The following KIAA1217 variants were observed in gnomAD, a reference collection of about 807,000 sequenced individuals.
KIAA1217 encodes sickle tail protein homolog.
A neutral mutation model predicts 163.9 loss-of-function variants in KIAA1217; 88 were observed. That is an observed-to-expected ratio of 0.54 (90% confidence interval 0.45 to 0.64). The LOEUF (loss-of-function observed/expected upper bound fraction) is 0.64. KIAA1217 is among the 30% of genes least tolerant of loss of function. KIAA1217 has a pLI of 0.00. For synonymous variants in KIAA1217, 903 were observed against 923.1 expected (o/e 0.98, Z 0.39); for missense variants, 2,372 against 2,475.0 (o/e 0.96, Z 0.88).
chr10:23,801,068 A>T (rs973209990), intron 1 of KIAA1217, among the ~76,000 whole-genome samples: 1 of 152,326 alleles, frequency 6.6e-6, no homozygotes, highest in Non-Finnish European at 1.5e-5. Context: ...GAGACTTGGA[A>T]CCAACCCAAA....
intron 2 of KIAA1217, among the ~76,000 whole-genome samples, chr10:24,132,567 T>C (rs2131811087): frequency 6.6e-6 from 1 of 152,262 alleles, no homozygotes; most frequent in East Asian, 1.9e-4. Context: ...TAAACTGTTT[T>C]CTAGCTGTGC....
At chr10:24,506,289 C>T (rs1045207235) in intron 9 of KIAA1217, among the ~76,000 whole-genome samples, 5 of 152,164 alleles carry the variant, frequency 3.3e-5, no homozygotes, top group Non-Finnish European at 5.9e-5. Flanking sequence ...CACTGCTAGA[C>T]AGCAAAATCA....
chr10:24,377,617 G>T (rs1183293974), intron 2 of KIAA1217, among the ~76,000 whole-genome samples: 1 of 152,048 alleles, frequency 6.6e-6, no homozygotes, highest in Admixed American at 6.5e-5. Context: ...ACCACAGAGA[G>T]TAAGATTTCT....
intron 1 of KIAA1217, among the ~76,000 whole-genome samples, chr10:23,793,329 A>G (rs1017840583): frequency 6.6e-6 from 1 of 152,146 alleles, no homozygotes; most frequent in Non-Finnish European, 1.5e-5. Context: ...CCACTCCCAG[A>G]TAGCACGTCC....
intron 2 of KIAA1217, among the ~76,000 whole-genome samples, chr10:24,175,363 C>G (rs1313578489): frequency 1.3e-5 from 2 of 152,156 alleles, no homozygotes; most frequent in Non-Finnish European, 2.9e-5. Flanking sequence ...GAATAATGAT[C>G]TCCAATTCCA....
At chr10:23,866,734 C>A (rs1385702026) in intron 1 of KIAA1217, among the ~76,000 whole-genome samples, 1 of 152,064 alleles carries the variant, frequency 6.6e-6, no homozygotes, top group Non-Finnish European at 1.5e-5. Flanking sequence ...CCTTTGCATT[C>A]TGTAGACCCA....
chr10:24,527,847 T>A (rs1177072417), intron 13 of KIAA1217, 89 bp from the exon 14 acceptor site: 2 of 994,792 alleles, frequency 2.0e-6, no homozygotes, highest in Non-Finnish European at 3.1e-6. Context: ...CTCTCCTTCC[T>A]CCCACCCTCC....
chr10:23,940,362 A>C (rs1843707393), intron 1 of KIAA1217, among the ~76,000 whole-genome samples: 1 of 151,438 alleles, frequency 6.6e-6, no homozygotes, highest in Non-Finnish European at 1.5e-5. Flanking sequence ...CAGAAGGCTG[A>C]AGCAGGAGAA....
rs1190582575 is a variant in KIAA1217, at chr10:24,358,765, A to AT, written c.355-22098dup. Among the ~76,000 whole-genome samples the AT allele has an allele frequency of 8.5e-5, 13 of 152,148 alleles. No homozygotes were observed. The East Asian group carries it at 9.7e-4, about 11-fold the overall frequency. ...TTTGCAATTTGTTTTTTGTTTGTTT[A>AT]TTTTTTGCATTGCAATGGCAAGGTC... On this transcript the variant is annotated intron_variant, in intron 2 of 20. Transcript: ENST00000376454.
intron 1 of KIAA1217, among the ~76,000 whole-genome samples, chr10:23,728,507 G>GTTT (rs147180341): frequency 4.1e-5 from 6 of 145,848 alleles, no homozygotes; most frequent in African/African-American, 1.5e-4. Context: ...CTTTTTGATG[G>GTTT]TTTTTTTTTT....
chr10:24,050,382 TG>T (rs1849417347), intron 2 of KIAA1217, among the ~76,000 whole-genome samples: 1 of 152,240 alleles, frequency 6.6e-6, no homozygotes, highest in Admixed American at 6.5e-5. Flanking sequence ...TCTTTGCCCA[TG>T]CCTATGTCCT....
chr10:24,176,459 A>C (rs1163875717), intron 2 of KIAA1217, among the ~76,000 whole-genome samples: 1 of 152,114 alleles, frequency 6.6e-6, no homozygotes, highest in Non-Finnish European at 1.5e-5. Flanking sequence ...GCTAGACATG[A>C]AAGTTCTCCA....
chr10:24,321,853 A>G (rs2044199100), intron 2 of KIAA1217, among the ~76,000 whole-genome samples: 1 of 152,198 alleles, frequency 6.6e-6, no homozygotes, highest in South Asian at 2.1e-4. Flanking sequence ...GGTGATGATC[A>G]CATAACAACA....
Position 24,546,174 on chromosome 10 carries a change from C to T in KIAA1217, c.5682C>T (p.Ser1894=). The T allele has an allele frequency of 6.2e-7, 1 of 1,614,096 alleles. No individual in the cohort carries two copies. The highest frequency in any genetic ancestry group is 1.1e-5 in the South Asian group (1 of 91,082). ...GAGCACCCCCTCCTTTGTCATTTTC[C>T]TCCTCCCCTCCTTCTCCTGCCTCCT... is the stretch of plus-strand genomic sequence containing the variant. The part of the protein sequence containing the change: ...NGRAPPPLSF[S]SSPPSPASSV... Residue 1894 remains serine (S), a synonymous_variant, in exon 21 of 21, where the codon TCC becomes TCT. Transcript: ENST00000376454.
At chr10:23,711,886 C>G (rs1360339913) in intron 1 of KIAA1217, among the ~76,000 whole-genome samples, 1 of 152,128 alleles carries the variant, frequency 6.6e-6, no homozygotes, top group Non-Finnish European at 1.5e-5. Flanking sequence ...GGAAACGAAG[C>G]CTGATATGAT....
intron 5 of KIAA1217, among the ~76,000 whole-genome samples, chr10:24,464,418 T>C (rs531084189): frequency 2.0e-4 from 30 of 152,150 alleles, no homozygotes; most frequent in Non-Finnish European, 3.8e-4. Context: ...CCGACTCTCA[T>C]TGTAACAGGG....
At chr10:23,824,581 T>C (rs1443627225) in intron 1 of KIAA1217, among the ~76,000 whole-genome samples, 1 of 126,724 alleles carries the variant, frequency 7.9e-6, no homozygotes, top group East Asian at 2.4e-4. Context: ...TGAGCTGAGA[T>C]GGCGCCATTG....
intron 2 of KIAA1217, among the ~76,000 whole-genome samples, chr10:24,163,174 A>G (rs1439084456): frequency 6.6e-6 from 1 of 152,200 alleles, no homozygotes; most frequent in South Asian, 2.1e-4. Context: ...CCAGCCTTCG[A>G]TATAATGTAT....
At chr10:24,027,590 T>G (rs1196308466) in intron 2 of KIAA1217, among the ~76,000 whole-genome samples, 1 of 152,108 alleles carries the variant, frequency 6.6e-6, no homozygotes, top group African/African-American at 2.4e-5. Context: ...ATATACAATT[T>G]GTGGAATATT....
Sources: gnomAD v4.1 joint callset for allele counts (sites outside exome capture counted in the v4.1 genomes callset) on GRCh38, gnomAD v4.1.1 for gene constraint, MANE v1.5 for transcripts, NCBI Gene and HGNC (gene_info 2026-07-23, HGNC 2026-07-21) for gene names.